Variants in WNT2 observed in about 807,000 individuals in gnomAD.
WNT2 encodes the protein Wnt family member 2, also known as protein Wnt-2.
WNT2 carries 12 observed loss-of-function variants against 36.9 expected under a neutral mutation model. The ratio of observed to expected loss-of-function variants is 0.33; its 90% CI spans 0.21 to 0.53. The LOEUF is 0.53. Among genes scored for constraint, WNT2 ranks in the 20% least tolerant of loss-of-function variants. The probability of loss-of-function intolerance (pLI) is 0.95; values close to 1 mark genes in which losing one functional copy is unlikely to be tolerated. For missense variants in WNT2, 379 were observed against 473.1 expected, an observed-to-expected ratio of 0.80 and a Z score of 1.84; for synonymous variants, 163 against 174.6, an observed-to-expected ratio of 0.93 and a Z score of 0.52.
chr7:117,299,392 C>T (rs919609234), intron 3 of WNT2, among the ~76,000 whole-genome samples: 1 of 152,144 alleles, frequency 6.6e-6, no homozygotes, highest in African/African-American at 2.4e-5. Flanking sequence ...CTCATTCTTC[C>T]AAGTTTATTC....
intron 3 of WNT2, among the ~76,000 whole-genome samples, chr7:117,298,275 A>T (rs1794833224): frequency 6.6e-6 from 1 of 152,244 alleles, no homozygotes; most frequent in Admixed American, 6.5e-5. Flanking sequence ...TAATATAAAA[A>T]TGTATGTATT....
chr7:117,317,707 A>G (rs771652978), intron 2 of WNT2, among the ~76,000 whole-genome samples: 2 of 152,164 alleles, frequency 1.3e-5, no homozygotes, highest in Non-Finnish European at 2.9e-5. Context: ...GTATTTCCTA[A>G]TGTGTTGCTA....
chr7:117,317,624 G>A (rs964782574), intron 2 of WNT2, among the ~76,000 whole-genome samples: 3 of 152,138 alleles, frequency 2.0e-5, no homozygotes, highest in Non-Finnish European at 4.4e-5. Context: ...TTGATCTTGG[G>A]CCTTTTCTTA....
chr7:117,308,117 C>A (rs2285545), intron 3 of WNT2, among the ~76,000 whole-genome samples: 83,318 of 152,086 alleles, frequency 0.55, 22,942 homozygotes, highest in African/African-American at 0.58. Context: ...CCACATCTCT[C>A]AGATAGAAGT....
At chr7:117,308,672 C>T (rs1357570818) in intron 3 of WNT2, among the ~76,000 whole-genome samples, 1 of 152,108 alleles carries the variant, frequency 6.6e-6, no homozygotes, top group East Asian at 1.9e-4. Context: ...ATTTATGCCC[C>T]ACAAAGATGC....
At chr7:117,296,129 G>C (rs913082695) in intron 4 of WNT2, among the ~76,000 whole-genome samples, 2 of 152,164 alleles carry the variant, frequency 1.3e-5, no homozygotes, top group African/African-American at 4.8e-5. Flanking sequence ...ACTGGTAGAG[G>C]GGGGTCAGAC....
intron 2 of WNT2, among the ~76,000 whole-genome samples, chr7:117,319,187 T>C (rs1584698289): frequency 6.6e-6 from 1 of 152,216 alleles, no homozygotes. Context: ...GTTTCTTTAA[T>C]TGATTCACTG....
Position 117,278,116 on chromosome 7 carries a change from C to A in WNT2, c.*39G>T. ...AGTGTTCTTGCAGATCCAATGGAGT[C>A]CTTGTAGAAGGGAAGGTGGATGGTG... is the stretch of plus-strand genomic sequence containing the variant. On this transcript the variant is annotated 3_prime_UTR_variant, in exon 5 of 5. Transcript: ENST00000265441. The A allele has an allele frequency of 6.2e-7, 1 of 1,605,384 alleles. No homozygotes were observed. Among genetic ancestry groups the A allele is most frequent in the Non-Finnish European group, 8.5e-7 (1 of 1,172,810 alleles).
chr7:117,285,787 A>C (rs898325744), intron 4 of WNT2, among the ~76,000 whole-genome samples: 1 of 152,250 alleles, frequency 6.6e-6, no homozygotes, highest in Non-Finnish European at 1.5e-5. Flanking sequence ...TGATTTACAT[A>C]GTTCACCTAA....
rs1474206615 is a variant in WNT2, at chr7:117,275,816, C to T, written c.*2339G>A. Among the ~76,000 whole-genome samples the T allele has an allele frequency of 6.6e-6, 1 of 152,178 alleles. No individual in the cohort carries two copies. ...ATTTTTCCCACCTCAGTGGCAGGAC[C>T]CACTGCCACTTGCGATGGTTGCCAT... On this transcript the variant is annotated 3_prime_UTR_variant, in exon 5 of 5. Transcript: ENST00000265441.
At chr7:117,293,886 C>T (rs957935219) in intron 4 of WNT2, among the ~76,000 whole-genome samples, 2 of 152,080 alleles carry the variant, frequency 1.3e-5, no homozygotes, top group African/African-American at 4.8e-5. Flanking sequence ...GAGTGAAAGG[C>T]AGCTTTAAGG....
intron 3 of WNT2, among the ~76,000 whole-genome samples, chr7:117,300,517 G>A (rs1247957797): frequency 1.3e-5 from 2 of 152,142 alleles, no homozygotes; most frequent in African/African-American, 4.8e-5. Context: ...AGACACGTGA[G>A]GTGGGGGCAC....
chr7:117,320,525 T>C lies in WNT2; in HGVS notation c.310+42A>G, dbSNP rs1284159905. On this transcript the variant is annotated intron_variant, in intron 2 of 4. Coordinates refer to ENST00000265441, the MANE Select transcript of WNT2 (RefSeq NM_003391.3). ...GAAGATGGAGTGAGGGAGCTGTGCATGAGTGGAGAGCCATAGGGCTGGGTG... is the reference window on the plus strand; with the variant it reads ...GAAGATGGAGTGAGGGAGCTGTGCACGAGTGGAGAGCCATAGGGCTGGGTG... The C allele has an allele frequency of 4.5e-6, 7 of 1,564,168 alleles. No homozygotes were observed. In the Admixed American group the frequency reaches 1.2e-4, roughly 27 times the overall value.
In WNT2 at chr7:117,297,674, G is replaced by T. The variant is rs180913783; in HGVS notation, c.791C>A (p.Thr264Lys). The T allele has an allele frequency of 2.4e-5, 38 of 1,613,970 alleles. No homozygotes were observed. In the African/African-American group the frequency reaches 4.7e-4, roughly 20 times the overall value. ...CTCAAAATACACGAGGTCATTTTTCGTTGGCTTCTTAAACCTCTCGTTAGC... is the reference window on the plus strand; with the variant it reads ...CTCAAAATACACGAGGTCATTTTTCTTTGGCTTCTTAAACCTCTCGTTAGC... ...TVANERFKKP[T>K]KNDLVYFENS... The change falls in exon 4 of 5, where the codon ACG (threonine) becomes AAG (lysine). Residue 264 changes from threonine (T) to lysine (K), a missense_variant. Thr to Lys is a moderately conservative substitution (Grantham distance 78). Coordinates refer to ENST00000265441, the MANE Select transcript of WNT2 (RefSeq NM_003391.3).
At chr7:117,305,666 A>G (rs1436630621) in intron 3 of WNT2, among the ~76,000 whole-genome samples, 1 of 152,154 alleles carries the variant, frequency 6.6e-6, no homozygotes, top group Non-Finnish European at 1.5e-5. Flanking sequence ...TGGCAGGGCA[A>G]TGACTATGTT....
intron 4 of WNT2, among the ~76,000 whole-genome samples, chr7:117,286,935 A>G (rs1374771990): frequency 6.6e-6 from 1 of 152,242 alleles, no homozygotes; most frequent in African/African-American, 2.4e-5. Flanking sequence ...CTGGCACTAC[A>G]TAGCCTACTC....
intron 4 of WNT2, among the ~76,000 whole-genome samples, chr7:117,286,606 T>C (rs980105333): frequency 3.3e-5 from 5 of 152,196 alleles, no homozygotes; most frequent in South Asian, 2.1e-4. Flanking sequence ...TGTCATCCAA[T>C]AGGCTGTTTC....
At chr7:117,308,815 A>G (rs1241142756) in intron 3 of WNT2, among the ~76,000 whole-genome samples, 1 of 152,050 alleles carries the variant, frequency 6.6e-6, no homozygotes, top group African/African-American at 2.4e-5. Flanking sequence ...CTTTGTCATC[A>G]TGCCCCAGTT....
chr7:117,300,924 T>A (rs960201927), intron 3 of WNT2: 3 of 152,280 alleles, frequency 2.0e-5, no homozygotes, highest in Admixed American at 6.5e-5. Flanking sequence ...GGCAGCAAGC[T>A]GCAGGCACAC....
Sources: gnomAD v4.1 joint callset for allele counts (sites outside exome capture counted in the v4.1 genomes callset) on GRCh38, gnomAD v4.1.1 for gene constraint, MANE v1.5 for transcripts, NCBI Gene and HGNC (gene_info 2026-07-23, HGNC 2026-07-21) for gene names.